TOP1MT: variants seen among roughly 807,000 people sequenced by gnomAD.
The protein encoded by TOP1MT is DNA topoisomerase I, mitochondrial.
TOP1MT carries 80 observed loss-of-function variants against 73.9 expected under a neutral mutation model. The observed-to-expected ratio is 1.08, with a 90% confidence interval of 0.90 to 1.30. The LOEUF (loss-of-function observed/expected upper bound fraction) is 1.30, where lower values mean the gene tolerates loss of function less well. Among genes scored for constraint, TOP1MT ranks in the 50% most tolerant of loss-of-function variants. TOP1MT has a pLI of 0.00. For synonymous variants in TOP1MT, 338 were observed against 326.4 expected, an observed-to-expected ratio of 1.04 and a Z score of -0.38; for missense variants, 815 against 808.0, an observed-to-expected ratio of 1.01 and a Z score of -0.10.
chr8:143,313,357 C>A (rs563380344), intron 12 of TOP1MT, among the ~76,000 whole-genome samples: 1 of 151,924 alleles, frequency 6.6e-6, no homozygotes, highest in South Asian at 2.1e-4. Context: ...TCAAGACCAG[C>A]CTGACCGACA....
chr8:143,343,140 G>A (rs1211939786), intron 2 of TOP1MT: 1 of 455,048 alleles, frequency 2.2e-6, no homozygotes, highest in Non-Finnish European at 4.4e-6. Flanking sequence ...GCAAGAATAA[G>A]CATTCATCAG....
At chr8:143,317,656 G>A (rs979141030) in intron 10 of TOP1MT, 67 bp downstream of exon 10, 114 of 1,422,496 alleles carry the variant, frequency 8.0e-5, no homozygotes, top group Non-Finnish European at 9.8e-5. Flanking sequence ...AGGGCCAGCC[G>A]GGGAGCCCGG....
rs191522212 is a variant in TOP1MT, at chr8:143,341,789, C to T, written c.29+1431G>A. 1.8e-3 allele frequency among the ~76,000 whole-genome samples: 272 copies of T among 152,300 alleles called. 5 individuals carry two copies. Among genetic ancestry groups the T allele is most frequent in the Admixed American group, 0.015 (222 of 15,298 alleles). On this transcript the variant is annotated intron_variant, in intron 2 of 5. Coordinates refer to the TOP1MT transcript ENST00000518007. The surrounding 1 kb of genome is among the most constrained non-coding windows in gnomAD (Gnocchi z 4.1). The stretch of plus-strand genomic sequence containing the variant: ...AAAGGGAAGGTCACAGAGCACTATC[C>T]CGACACCACTGCCCCATCTAGTGCT...
intron 13 of TOP1MT, 64 bp from the exon 14 acceptor site, chr8:143,309,607 G>A (rs1172236255): frequency 7.5e-6 from 12 of 1,603,912 alleles, no homozygotes; most frequent in Non-Finnish European, 5.9e-6. Context: ...CCAGGTCAGG[G>A]TGCTCGGCAA....
At chr8:143,342,953 G>T (rs1303639651) in intron 2 of TOP1MT, among the ~76,000 whole-genome samples, 1 of 151,976 alleles carries the variant, frequency 6.6e-6, no homozygotes, top group East Asian at 1.9e-4. Flanking sequence ...TAGAGAGGGG[G>T]TTTCATCATG....
At chr8:143,351,442 C>T (rs772231471) in intron 1 of TOP1MT, among the ~76,000 whole-genome samples, 43 of 152,018 alleles carry the variant, frequency 2.8e-4, no homozygotes, top group Admixed American at 2.8e-3. Flanking sequence ...GCAAGAGTGA[C>T]GCATGCCTGT....
At chr8:143,319,957 C>T (rs932020494) in intron 8 of TOP1MT, among the ~76,000 whole-genome samples, 1 of 151,740 alleles carries the variant, frequency 6.6e-6, no homozygotes, top group Middle Eastern at 3.2e-3. Context: ...AACCCTGTCT[C>T]TACTAAGAAT....
chr8:143,327,726 C>A, intron 3 of TOP1MT: 1 of 427,208 alleles, frequency 2.3e-6, no homozygotes, highest in Non-Finnish European at 4.7e-6. Flanking sequence ...GGTGCCACCT[C>A]ACAAAGCTGT....
intron 12 of TOP1MT, among the ~76,000 whole-genome samples, chr8:143,313,620 G>GA (rs1816072054): frequency 6.6e-6 from 1 of 150,882 alleles, no homozygotes; most frequent in African/African-American, 2.4e-5. Flanking sequence ...TTGGGAGGCC[G>GA]AGACAGGCAG....
intron 7 of TOP1MT, among the ~76,000 whole-genome samples, chr8:143,322,626 C>T (rs1816495431): frequency 8.4e-6 from 1 of 118,670 alleles, no homozygotes; most frequent in South Asian, 2.9e-4. Context: ...GCCACACAGG[C>T]ACGTCACACA....
chr8:143,336,409 C>T (rs550196858), upstream of TOP1MT, among the ~76,000 whole-genome samples: 1 of 152,222 alleles, frequency 6.6e-6, no homozygotes, highest in South Asian at 2.1e-4. Context: ...GAATGGAAAA[C>T]CCACTCAAGA....
upstream of TOP1MT, among the ~76,000 whole-genome samples, chr8:143,359,091 C>T (rs1465782165): frequency 6.6e-6 from 1 of 151,896 alleles, no homozygotes; most frequent in Non-Finnish European, 1.5e-5. Flanking sequence ...ATCCTCCTGC[C>T]TCAGTCTCCC....
chr8:143,330,409 C>T (rs531101823), intron 2 of TOP1MT, among the ~76,000 whole-genome samples: 1 of 152,344 alleles, frequency 6.6e-6, no homozygotes, highest in East Asian at 1.9e-4. Context: ...CATGGCCTCC[C>T]GTGGGCAGCC....
At chr8:143,314,530 G>A (rs1361532419) in intron 12 of TOP1MT, among the ~76,000 whole-genome samples, 1 of 147,978 alleles carries the variant, frequency 6.8e-6, no homozygotes, top group East Asian at 2.0e-4. Context: ...GGAGGCGGAG[G>A]TTGCAGTGAG....
rs975335055 is a variant in TOP1MT at position 143,341,834 on chromosome 8, C to T, written c.29+1386G>A. On this transcript the variant is annotated intron_variant, in intron 2 of 5. Transcript: ENST00000518007. This position sits in a 1 kb window ranked among gnomAD's most constrained non-coding sequence, Gnocchi z 4.1. ...AGTGCTTCCTTCTTCCTTCTTCTTC[C>T]TCTTCTTCCTCCTCCTCCTCCTTCC... Among the ~76,000 whole-genome samples, 11 of 135,520 alleles carry T rather than the reference C, an allele frequency of 8.1e-5. No individual in the cohort carries two copies. Among genetic ancestry groups the T allele is most frequent in the African/African-American group, 2.5e-4 (9 of 36,090 alleles). 88.9% of individuals were successfully genotyped at this position (135,520 alleles called of 152,430 possible). A position where few individuals can be genotyped will look rare whatever the true frequency, so the allele number is the denominator to read the frequency against.
upstream of TOP1MT, among the ~76,000 whole-genome samples, chr8:143,359,584 G>A (rs1291942439): frequency 1.3e-5 from 2 of 149,768 alleles, no homozygotes; most frequent in East Asian, 2.0e-4. Context: ...AGGGGTAAGC[G>A]AAGGGGGAAG....
chr8:143,309,455 C>T lies in TOP1MT; in HGVS notation c.1792G>A (p.Asp598Asn). The T allele has an allele frequency of 3.1e-6, 5 of 1,613,810 alleles. No individual in the cohort carries two copies. Among genetic ancestry groups the T allele is most frequent in the Admixed American group, 1.7e-5 (1 of 60,024 alleles). ...FAWALAMAGEDFEF is the reference protein window; with the variant it reads ...FAWALAMAGENFEF The stretch of plus-strand genomic sequence containing the variant: ...ACGGCTCGTCGTTAGAATTCAAAGT[C>T]TTCTCCTGCCATGGCGAGAGCCCAG... The change falls in exon 14 of 14, where the codon GAC (aspartate) becomes AAC (asparagine). Residue 598 changes from aspartate to asparagine, a missense_variant. By Grantham distance (23) the Asp-to-Asn change is conservative. Around this residue, in one of 3 missense-constraint regions of TOP1MT, gnomAD observed 751 missense variants for 725.4 expected, o/e 1.04. Transcript: ENST00000329245.
intron 4 of TOP1MT, among the ~76,000 whole-genome samples, chr8:143,325,777 C>T (rs1205592865): frequency 6.6e-6 from 1 of 152,150 alleles, no homozygotes; most frequent in African/African-American, 2.4e-5. Flanking sequence ...CAGACTTCGG[C>T]TGTTTTAGGC....
intron 3 of TOP1MT, among the ~76,000 whole-genome samples, chr8:143,328,896 C>T (rs1816775847): frequency 6.6e-6 from 1 of 152,198 alleles, no homozygotes; most frequent in African/African-American, 2.4e-5. Context: ...GAAGGGCAGT[C>T]ACCTTGAAAA....
Sources: allele counts gnomAD v4.1 joint callset (sites outside exome capture counted in the v4.1 genomes callset), GRCh38; gene constraint gnomAD v4.1.1; regional missense constraint gnomAD v4.1.1; non-coding constraint Gnocchi (gnomAD v3.1); transcripts MANE v1.5; gene names NCBI Gene and HGNC (gene_info 2026-07-23, HGNC 2026-07-21).